The following ULK4 variants were observed in gnomAD, a reference collection of about 807,000 sequenced individuals.
ULK4 encodes unc-51 like kinase 4, also known as inactive serine/threonine-protein kinase ULK4.
A neutral mutation model predicts 160.6 loss-of-function variants in ULK4; 133 were observed. That is an observed-to-expected ratio of 0.83 (90% CI 0.72 to 0.96). The LOEUF is 0.96. ULK4 is among the 40% of genes least tolerant of loss of function. The probability of loss-of-function intolerance (pLI) is 0.00; values close to 1 mark genes in which losing one functional copy is unlikely to be tolerated. For missense variants in ULK4, 1,580 were observed against 1,499.5 expected (o/e 1.05, Z -0.89); for synonymous variants, 534 against 539.8 (o/e 0.99, Z 0.15).
chr3:41,763,658 T>A (rs545170089), intron 21 of ULK4, among the ~76,000 whole-genome samples: 1 of 152,364 alleles, frequency 6.6e-6, no homozygotes, highest in African/African-American at 2.4e-5. Context: ...AAAGCTGCTA[T>A]GGACATTCTT....
chr3:41,420,131 A>T lies in ULK4; in HGVS notation c.3493-21867T>A, dbSNP rs1044405673. Reference sequence around the variant, plus strand: ...TAAATGTAAGGAAAAAAAAAGAGTAACAAAAAGAGGCCTTCCTGTTAAAAA... The same window carrying T: ...TAAATGTAAGGAAAAAAAAAGAGTATCAAAAAGAGGCCTTCCTGTTAAAAA... On this transcript the variant is annotated intron_variant, in intron 34 of 36. Transcript: ENST00000301831. Among the ~76,000 whole-genome samples, 8 of 152,266 alleles carry T rather than the reference A, an allele frequency of 5.3e-5. No individual in the cohort carries two copies. In the South Asian group the frequency reaches 1.7e-3, roughly 32 times the overall value.
chr3:41,390,440 T>C (rs1316839029), intron 35 of ULK4, among the ~76,000 whole-genome samples: 1 of 152,200 alleles, frequency 6.6e-6, no homozygotes, highest in Non-Finnish European at 1.5e-5. Context: ...GCTTTTCCAG[T>C]TCTTTTAATT....
At chr3:41,692,303 C>G (rs760454295) in intron 27 of ULK4, among the ~76,000 whole-genome samples, 11 of 152,036 alleles carry the variant, frequency 7.2e-5, no homozygotes, top group Non-Finnish European at 1.6e-4. Flanking sequence ...CAATCTGACA[C>G]AGTATATGAC....
At chr3:41,754,261 A>G in intron 22 of ULK4, 100 bp downstream of exon 22, 1 of 1,362,366 alleles carries the variant, frequency 7.3e-7, no homozygotes, top group Non-Finnish European at 9.8e-7. Context: ...ACTCTTAAAA[A>G]AAAATACCAG....
intron 16 of ULK4, among the ~76,000 whole-genome samples, chr3:41,884,265 GTAAT>G (rs780073984): frequency 7.9e-5 from 12 of 152,192 alleles, no homozygotes; most frequent in Non-Finnish European, 1.8e-4. Flanking sequence ...GAGCAAAACA[GTAAT>G]TAATCCTTTT....
At chr3:41,637,816 T>C (rs1401126120) in intron 30 of ULK4, among the ~76,000 whole-genome samples, 7 of 152,202 alleles carry the variant, frequency 4.6e-5, no homozygotes, top group Non-Finnish European at 1.0e-4. Context: ...TCTTCATAGA[T>C]CTGTTGGTTA....
chr3:41,805,158 T>C (rs1189086859), intron 19 of ULK4, among the ~76,000 whole-genome samples: 91 of 151,970 alleles, frequency 6.0e-4, no homozygotes, highest in African/African-American at 2.1e-3. Context: ...TTTAATTTCA[T>C]TGAGCATTGG....
chr3:41,664,513 T>G (rs1417003162), intron 29 of ULK4, among the ~76,000 whole-genome samples: 1 of 152,020 alleles, frequency 6.6e-6, no homozygotes, highest in Non-Finnish European at 1.5e-5. Flanking sequence ...ATGGCCAAAG[T>G]TTTTATGAGG....
At chr3:41,769,873 G>C (rs2039295433) in intron 21 of ULK4, among the ~76,000 whole-genome samples, 1 of 152,088 alleles carries the variant, frequency 6.6e-6, no homozygotes, top group Non-Finnish European at 1.5e-5. Flanking sequence ...AATGGTCAAA[G>C]CTAAAAATCA....
At chr3:41,449,235 A>AC (rs2083372253) in intron 34 of ULK4, among the ~76,000 whole-genome samples, 1 of 150,278 alleles carries the variant, frequency 6.7e-6, no homozygotes, top group Admixed American at 6.6e-5. Context: ...TTATTTAAAA[A>AC]TTTTTTTTTT....
rs773207348 is a variant in ULK4 at position 41,919,797 on chromosome 3, G to C, written c.563C>G (p.Pro188Arg). 1.2e-6 allele frequency: 2 copies of C among 1,613,944 alleles called. No individual in the cohort carries two copies. Among genetic ancestry groups the C allele is most frequent in the South Asian group, 2.2e-5 (2 of 91,064 alleles). ...RVKGSPVYTA[P>R]EVVRGADFSI... ...AAAGTCAGCACCCCTCACAACTTCT[G>C]GTGCTGTATATACAGGAGATCCTAA... The change falls in exon 6 of 37, where the codon CCA (proline) becomes CGA (arginine). Residue 188 changes from proline (P) to arginine (R), a missense_variant. Pro to Arg is a moderately radical substitution (Grantham distance 103). Transcript: ENST00000301831.
chr3:41,945,793 C>A (rs1259224975), intron 2 of ULK4, among the ~76,000 whole-genome samples: 2 of 152,218 alleles, frequency 1.3e-5, no homozygotes, highest in Admixed American at 6.5e-5. Context: ...CGAATCCATT[C>A]TTTTCCTAGT....
intron 32 of ULK4, among the ~76,000 whole-genome samples, chr3:41,546,767 T>TAA (rs1158675738): frequency 3.6e-3 from 117 of 32,506 alleles, no homozygotes; most frequent in Middle Eastern, 0.016. Context: ...CCTAGGCCCT[T>TAA]AAAAAAAAAA....
At chr3:41,592,859 T>C (rs144369377) in intron 31 of ULK4, among the ~76,000 whole-genome samples, 6 of 152,308 alleles carry the variant, frequency 3.9e-5, no homozygotes, top group Non-Finnish European at 5.9e-5. Context: ...CTTTGTGCTT[T>C]CAATGTTGTG....
At chr3:41,862,091 G>A (rs9870782) in intron 17 of ULK4, among the ~76,000 whole-genome samples, 7,077 of 152,158 alleles carry the variant, frequency 0.047, 319 homozygotes, top group African/African-American at 0.11. Context: ...TTACAAGCAT[G>A]ATACTGCACC....
At chr3:41,927,972 C>A (rs906435650) in intron 5 of ULK4, among the ~76,000 whole-genome samples, 1 of 152,074 alleles carries the variant, frequency 6.6e-6, no homozygotes, top group Non-Finnish European at 1.5e-5. Flanking sequence ...CAAGGATATT[C>A]AGACCTGAAC....
At chr3:41,935,003 C>T (rs1255513658) in intron 4 of ULK4, among the ~76,000 whole-genome samples, 2 of 145,806 alleles carry the variant, frequency 1.4e-5, no homozygotes, top group Non-Finnish European at 3.0e-5. Context: ...CCATATATTT[C>T]CTTTTATTTA....
At chr3:41,429,254 A>T (rs1460582892) in intron 34 of ULK4, among the ~76,000 whole-genome samples, 2 of 152,182 alleles carry the variant, frequency 1.3e-5, no homozygotes, top group Non-Finnish European at 2.9e-5. Context: ...AAAACAACAG[A>T]TGCTAGAGAG....
chr3:41,871,530 G>C (rs1439825929), intron 17 of ULK4, among the ~76,000 whole-genome samples: 2 of 152,194 alleles, frequency 1.3e-5, no homozygotes, highest in African/African-American at 2.4e-5. Flanking sequence ...ACTTGGTGCT[G>C]CCACTATTAT....
Sources: allele counts gnomAD v4.1 joint callset (sites outside exome capture counted in the v4.1 genomes callset), GRCh38; gene constraint gnomAD v4.1.1; transcripts MANE v1.5; gene names NCBI Gene and HGNC (gene_info 2026-07-23, HGNC 2026-07-21).